DLG2: variants seen among roughly 807,000 people sequenced by gnomAD.
DLG2 encodes the protein discs large MAGUK scaffold protein 2, also known as disks large homolog 2.
DLG2 carries 45 observed loss-of-function variants against 132.5 expected under a neutral mutation model. That is an observed-to-expected ratio of 0.34 (90% CI 0.27 to 0.44). The LOEUF is 0.44. Among genes scored for constraint, DLG2 ranks in the 20% least tolerant of loss-of-function variants. The pLI, the probability that DLG2 is intolerant of heterozygous loss-of-function variation, is 1.00. For synonymous variants in DLG2, 424 were observed against 419.6 expected, an observed-to-expected ratio of 1.01 and a Z score of -0.13; for missense variants, 1,045 against 1,196.9, an observed-to-expected ratio of 0.87 and a Z score of 1.87.
chr11:84,203,169 T>C (rs190560356), intron 8 of DLG2, among the ~76,000 whole-genome samples: 1 of 152,304 alleles, frequency 6.6e-6, no homozygotes, highest in Non-Finnish European at 1.5e-5. Flanking sequence ...CACATGTATG[T>C]TCAGTGCAGC....
intron 7 of DLG2, among the ~76,000 whole-genome samples, chr11:84,330,429 G>A (rs1002598860): frequency 1.3e-5 from 2 of 152,134 alleles, no homozygotes; most frequent in Non-Finnish European, 2.9e-5. Context: ...AGTAAACATT[G>A]AGGTGACAAT....
At chr11:84,235,818 T>C (rs925212192) in intron 8 of DLG2, among the ~76,000 whole-genome samples, 6 of 152,166 alleles carry the variant, frequency 3.9e-5, no homozygotes, top group African/African-American at 1.4e-4. Flanking sequence ...CTATCTGCTG[T>C]GTGACCTTGG....
At chr11:84,470,070 T>C (rs1369253974) in intron 7 of DLG2, among the ~76,000 whole-genome samples, 2 of 151,746 alleles carry the variant, frequency 1.3e-5, no homozygotes, top group Non-Finnish European at 2.9e-5. Context: ...TATCTAAACA[T>C]AGACAAGGTA....
At chr11:85,592,735 G>C (rs941376248) in intron 3 of DLG2, among the ~76,000 whole-genome samples, 2 of 152,140 alleles carry the variant, frequency 1.3e-5, no homozygotes, top group Non-Finnish European at 2.9e-5. Context: ...AGAATCACTT[G>C]AGCCCAGGAG....
At chr11:84,448,146 C>T (rs1336506230) in intron 7 of DLG2, among the ~76,000 whole-genome samples, 1 of 152,048 alleles carries the variant, frequency 6.6e-6, no homozygotes, top group African/African-American at 2.4e-5. Context: ...AAACACCACT[C>T]ACCTAACCTG....
At chr11:84,182,162 A>G (rs2096149308) in intron 8 of DLG2, among the ~76,000 whole-genome samples, 1 of 152,208 alleles carries the variant, frequency 6.6e-6, no homozygotes, top group South Asian at 2.1e-4. Flanking sequence ...AAAAGAATAG[A>G]TACAATGTCT....
At chr11:83,752,057 A>G (rs2093344558) in intron 18 of DLG2, among the ~76,000 whole-genome samples, 1 of 152,194 alleles carries the variant, frequency 6.6e-6, no homozygotes, top group Non-Finnish European at 1.5e-5. Flanking sequence ...TCACGAGGTC[A>G]GGAGATCGAG....
intron 3 of DLG2, among the ~76,000 whole-genome samples, chr11:85,423,637 G>T (rs1597204937): frequency 6.6e-6 from 1 of 152,234 alleles, no homozygotes; most frequent in Admixed American, 6.5e-5. Flanking sequence ...GAGCTTCCCA[G>T]GTCAATGGAG....
intron 18 of DLG2, among the ~76,000 whole-genome samples, chr11:83,637,644 T>C (rs2065203960): frequency 1.3e-5 from 2 of 152,174 alleles, no homozygotes; most frequent in African/African-American, 4.8e-5. Context: ...ACACCACAAT[T>C]GTTTAGAATA....
chr11:84,154,198 A>G (rs1566732968), intron 9 of DLG2, among the ~76,000 whole-genome samples: 1 of 152,176 alleles, frequency 6.6e-6, no homozygotes, highest in African/African-American at 2.4e-5. Context: ...GGGTTTCACC[A>G]TGTTGGCCAG....
chr11:84,109,279 G>T (rs1176861944), intron 9 of DLG2, among the ~76,000 whole-genome samples: 1 of 152,092 alleles, frequency 6.6e-6, no homozygotes, highest in African/African-American at 2.4e-5. Context: ...TATCTACTTT[G>T]GTCCCCACAA....
chr11:85,609,782 CT>C (rs2153267803), intron 2 of DLG2, among the ~76,000 whole-genome samples: 1 of 152,314 alleles, frequency 6.6e-6, no homozygotes, highest in Non-Finnish European at 1.5e-5. Flanking sequence ...CTCCTGGACA[CT>C]GGTGCGGCCT....
chr11:83,461,967 C>G, intron 27 of DLG2, 35 bp downstream of exon 27: 1 of 1,399,924 alleles, frequency 7.1e-7, no homozygotes, highest in African/African-American at 1.4e-5. Flanking sequence ...CAATTTATCC[C>G]CTTTCTCACA....
At chr11:83,653,732 T>G (rs1451349461) in intron 18 of DLG2, among the ~76,000 whole-genome samples, 1 of 149,724 alleles carries the variant, frequency 6.7e-6, no homozygotes, top group African/African-American at 2.4e-5. Context: ...TAGATTTTTA[T>G]TTTTTTTTTA....
intron 3 of DLG2, among the ~76,000 whole-genome samples, chr11:85,394,034 C>T (rs2087051457): frequency 6.6e-6 from 1 of 152,076 alleles, no homozygotes; most frequent in Non-Finnish European, 1.5e-5. Context: ...CCAAGCTCCA[C>T]CTGTTCCCCA....
At chr11:85,284,330 T>G (rs1595934587) in intron 4 of DLG2, among the ~76,000 whole-genome samples, 1 of 151,844 alleles carries the variant, frequency 6.6e-6, no homozygotes, top group African/African-American at 2.4e-5. Flanking sequence ...CTTCCCAGTT[T>G]ACAAATCAGC....
intron 7 of DLG2, among the ~76,000 whole-genome samples, chr11:84,490,886 CGTGTGT>C (rs113318666): frequency 2.0e-5 from 3 of 147,844 alleles, no homozygotes; most frequent in Admixed American, 6.8e-5. Flanking sequence ...TGAATGGTTG[CGTGTGT>C]GTGTGTGTGT....
intron 19 of DLG2, among the ~76,000 whole-genome samples, chr11:83,569,859 A>G (rs927664772): frequency 2.6e-5 from 4 of 152,208 alleles, no homozygotes; most frequent in African/African-American, 9.6e-5. Context: ...AATTCATCCC[A>G]TCTGAAAAAT....
chr11:85,400,093 CA>C (rs1210777149), intron 3 of DLG2, among the ~76,000 whole-genome samples: 1 of 151,964 alleles, frequency 6.6e-6, no homozygotes, highest in Non-Finnish European at 1.5e-5. Flanking sequence ...AAGAAAAAAA[CA>C]AACAACCCCA....
Sources: allele counts gnomAD v4.1 joint callset (sites outside exome capture counted in the v4.1 genomes callset), GRCh38; gene constraint gnomAD v4.1.1; transcripts MANE v1.5; gene names NCBI Gene and HGNC (gene_info 2026-07-23, HGNC 2026-07-21).